The following STPG2 variants were observed in gnomAD, a reference collection of about 807,000 sequenced individuals.
STPG2 encodes the protein sperm tail PG-rich repeat containing 2.
A neutral mutation model predicts 54.2 loss-of-function variants in STPG2; 56 were observed. The observed-to-expected ratio is 1.03, with a 90% CI of 0.83 to 1.29. The LOEUF is 1.29. Ranked by LOEUF, STPG2 falls within the 50% of genes most tolerant of loss-of-function variation. The probability of loss-of-function intolerance (pLI) is 0.00; values close to 1 mark genes in which losing one functional copy is unlikely to be tolerated. For missense variants in STPG2, 596 were observed against 544.9 expected (o/e 1.09, Z -0.93); for synonymous variants, 200 against 181.8 (o/e 1.10, Z -0.81).
At chr4:97,576,066 A>G (rs918010772) in intron 10 of STPG2, among the ~76,000 whole-genome samples, 2 of 152,114 alleles carry the variant, frequency 1.3e-5, no homozygotes, top group Non-Finnish European at 2.9e-5. Context: ...GAGGTGAAAG[A>G]TCTCTATAAG....
chr4:98,046,050 C>CTCT lies in STPG2; in HGVS notation c.612+59902_612+59903insAGA, dbSNP rs1553936421. ...AAGTGATCTTCATAGTTTTTTCATT[C>CTCT]TTTTTTTTTTTTTTGGCTCCTTTGA... On this transcript the variant is annotated intron_variant, in intron 5 of 10. Transcript: ENST00000295268. Among the ~76,000 whole-genome samples, 27 of 136,502 alleles carry CTCT rather than the reference C, an allele frequency of 2.0e-4. No individual in the cohort carries two copies. The Admixed American group carries it at 2.0e-3, about 10-fold the overall frequency. The allele number at this position is 136,502 out of a possible 152,430, so 89.6% of individuals were successfully genotyped here.
At chr4:97,891,528 T>C (rs899658725) in intron 8 of STPG2, among the ~76,000 whole-genome samples, 6 of 152,090 alleles carry the variant, frequency 3.9e-5, no homozygotes, top group African/African-American at 1.2e-4. Context: ...GAACAATTGA[T>C]AAATAAATAG....
rs540005147 is a variant in STPG2 at position 97,541,734 on chromosome 4, C to T, written c.462+170965G>A. On this transcript the variant is annotated intron_variant, in intron 4 of 4. Transcript: ENST00000522676. The stretch of plus-strand genomic sequence containing the variant: ...GACTTCAAACTATACTACAAGGCTA[C>T]AGTAACCAAAACAGCATGGTACTGG... Among the ~76,000 whole-genome samples, 633 of 152,258 alleles carry T rather than the reference C, an allele frequency of 4.2e-3. 3 individuals are homozygous for T. The highest frequency in any genetic ancestry group is 0.02 in the South Asian group (97 of 4,818).
At chr4:97,670,043 T>C (rs1722650376) in intron 10 of STPG2, among the ~76,000 whole-genome samples, 1 of 152,024 alleles carries the variant, frequency 6.6e-6, no homozygotes, top group Admixed American at 6.6e-5. Context: ...TAAAAAGGTA[T>C]CCTTTTTTAA....
intron 9 of STPG2, among the ~76,000 whole-genome samples, chr4:97,764,112 G>GCA (rs3974908): frequency 0.046 from 6,438 of 140,976 alleles, 196 homozygotes; most frequent in African/African-American, 0.084. Context: ...AACACCACAT[G>GCA]CACACACACA....
intron 9 of STPG2, among the ~76,000 whole-genome samples, chr4:97,779,679 G>A (rs1322128709): frequency 6.6e-6 from 1 of 152,178 alleles, no homozygotes; most frequent in Non-Finnish European, 1.5e-5. Context: ...GGCAGCCAGA[G>A]AGAAAGATCG....
intron 9 of STPG2, among the ~76,000 whole-genome samples, chr4:97,832,113 ATCC>A (rs1728487083): frequency 1.3e-5 from 2 of 152,188 alleles, no homozygotes; most frequent in Admixed American, 6.5e-5. Context: ...TGATGCAAAA[ATCC>A]TCAATAAAAT....
intron 10 of STPG2, among the ~76,000 whole-genome samples, chr4:97,646,307 T>C (rs1750537754): frequency 1.3e-5 from 2 of 152,162 alleles, no homozygotes; most frequent in Non-Finnish European, 1.5e-5. Context: ...CCACCATTTG[T>C]ATATCAATGT....
intron 9 of STPG2, among the ~76,000 whole-genome samples, chr4:97,742,371 A>C (rs1725274229): frequency 6.6e-6 from 1 of 151,014 alleles, no homozygotes; most frequent in African/African-American, 2.4e-5. Context: ...TAATAATAAT[A>C]AAATAAAATA....
At chr4:97,495,740 A>T (rs1408356324) in intron 4 of STPG2, among the ~76,000 whole-genome samples, 1 of 150,430 alleles carries the variant, frequency 6.6e-6, no homozygotes, top group Non-Finnish European at 1.5e-5. Flanking sequence ...AGAACTACAA[A>T]GTAAGCCAAA....
chr4:98,129,088 C>T (rs1229431491), intron 2 of STPG2, among the ~76,000 whole-genome samples: 1 of 152,092 alleles, frequency 6.6e-6, no homozygotes, highest in Non-Finnish European at 1.5e-5. Flanking sequence ...GTTGCTTCAC[C>T]TTTAAACCAA....
intron 8 of STPG2, among the ~76,000 whole-genome samples, chr4:97,903,631 G>C (rs557282593): frequency 1.6e-4 from 24 of 152,300 alleles, no homozygotes; most frequent in Admixed American, 7.8e-4. Context: ...AATAGCAACA[G>C]CTCCCAGCGT....
chr4:97,469,880 C>T (rs768079594), intron 4 of STPG2, among the ~76,000 whole-genome samples: 14 of 151,850 alleles, frequency 9.2e-5, no homozygotes, highest in East Asian at 1.9e-4. Context: ...CAGGTCAGGA[C>T]GTAGTGAGAG....
At chr4:97,725,380 A>G (rs1171075458) in intron 9 of STPG2, among the ~76,000 whole-genome samples, 5 of 151,968 alleles carry the variant, frequency 3.3e-5, no homozygotes, top group South Asian at 2.1e-4. Context: ...TAGCCACATG[A>G]AAGACAAAGA....
Position 98,109,204 on chromosome 4 carries a change from A to T in STPG2, c.489T>A (p.Tyr163Ter), listed in dbSNP as rs1483429988. The T allele has an allele frequency of 3.1e-6, 5 of 1,597,586 alleles. No homozygotes were observed. Among genetic ancestry groups the T allele is most frequent in the South Asian group, 1.1e-5 (1 of 88,862 alleles). The change falls in exon 4 of 11, where the codon TAT becomes TAA. Residue 163 changes from tyrosine to a stop codon, truncating the protein, a stop_gained. Transcript: ENST00000295268. LOFTEE classifies it high-confidence loss of function. ...ATTTTTTTACTTACTGGACTATATC[A>T]TACTGTCCTGGACCAGGACCTGACT... ...PKKSGPGPGQ[Y>*]DIVQKKTSYY...
Position 98,004,578 on chromosome 4 carries a change from C to T in STPG2, c.613-23260G>A, listed in dbSNP as rs112120596. ...AAAACTTCCATACTGTTTCCCATAA[C>T]GGCTGTACCAATTTATGTTCCTAAC... On this transcript the variant is annotated intron_variant, in intron 5 of 10. Coordinates refer to ENST00000295268, the MANE Select transcript of STPG2 (RefSeq NM_174952.3). 7.2e-5 allele frequency among the ~76,000 whole-genome samples: 11 copies of T among 152,254 alleles called. No homozygotes were observed. The South Asian group carries it at 1.2e-3, about 17-fold the overall frequency.
At chr4:97,464,968 C>T (rs1729753842) in intron 4 of STPG2, among the ~76,000 whole-genome samples, 1 of 152,064 alleles carries the variant, frequency 6.6e-6, no homozygotes, top group South Asian at 2.1e-4. Flanking sequence ...TAAGTTCTTT[C>T]CCCTGGAAAG....
chr4:97,474,323 C>A (rs1376548832), intron 4 of STPG2, among the ~76,000 whole-genome samples: 2 of 151,614 alleles, frequency 1.3e-5, no homozygotes, highest in East Asian at 3.9e-4. Flanking sequence ...TTTTCCATTT[C>A]ATTGTTAAAA....
rs1396922980 is a variant in STPG2 at position 98,126,067 on chromosome 4, G to A, written c.387+2361C>T. ...AGAGATGGCAGCCACCCCTCCCCTG[G>A]GGAACTCAGTCATCTTAGGCAGTCT... On this transcript the variant is annotated intron_variant, in intron 3 of 10. Transcript: ENST00000295268. Among the ~76,000 whole-genome samples, 12 of 152,160 alleles carry A rather than the reference G, an allele frequency of 7.9e-5. No individual in the cohort carries two copies. In the East Asian group the frequency reaches 2.3e-3, roughly 29 times the overall value.
Sources: allele counts gnomAD v4.1 joint callset (sites outside exome capture counted in the v4.1 genomes callset), GRCh38; gene constraint gnomAD v4.1.1; transcripts MANE v1.5; gene names NCBI Gene and HGNC (gene_info 2026-07-23, HGNC 2026-07-21).